The following ITGBL1 variants were observed in gnomAD, a reference collection of about 807,000 sequenced individuals.
ITGBL1 encodes the protein integrin beta-like protein 1.
In ITGBL1, 51 loss-of-function variants were observed where a neutral mutation model predicts 68.5. The observed-to-expected ratio is 0.74, with a 90% CI of 0.59 to 0.94. The LOEUF is 0.94. ITGBL1 is among the 40% of genes least tolerant of loss of function. ITGBL1 has a pLI of 0.00. For missense variants in ITGBL1, 649 were observed against 647.4 expected (o/e 1.00, Z -0.03); for synonymous variants, 209 against 227.3 (o/e 0.92, Z 0.72).
At chr13:101,481,102 G>A (rs1345133046) in intron 2 of ITGBL1, among the ~76,000 whole-genome samples, 9 of 140,586 alleles carry the variant, frequency 6.4e-5, no homozygotes, top group East Asian at 4.5e-4. Flanking sequence ...ATACACACAC[G>A]TGCATGTATA....
At chr13:101,554,701 G>A (rs138310596) in intron 2 of ITGBL1, among the ~76,000 whole-genome samples, 1 of 152,154 alleles carries the variant, frequency 6.6e-6, no homozygotes, top group African/African-American at 2.4e-5. Context: ...ATGCAGTTTG[G>A]ACCTGAGGCT....
intron 2 of ITGBL1, among the ~76,000 whole-genome samples, chr13:101,564,889 A>G (rs925100277): frequency 6.6e-6 from 1 of 152,010 alleles, no homozygotes; most frequent in Non-Finnish European, 1.5e-5. Flanking sequence ...ATTTAAAAAA[A>G]GAAGATAGAT....
chr13:101,544,214 C>T (rs966974347), intron 2 of ITGBL1, among the ~76,000 whole-genome samples: 31 of 152,198 alleles, frequency 2.0e-4, no homozygotes, highest in African/African-American at 6.7e-4. Flanking sequence ...ATGATGGTGA[C>T]GTACAGATGG....
intron 6 of ITGBL1, among the ~76,000 whole-genome samples, chr13:101,592,388 T>G (rs1325788740): frequency 6.6e-6 from 1 of 152,040 alleles, no homozygotes; most frequent in East Asian, 1.9e-4. Flanking sequence ...AAAACAGAAA[T>G]TAAGAAAACA....
intron 7 of ITGBL1, among the ~76,000 whole-genome samples, chr13:101,663,316 T>A (rs1349885563): frequency 3.9e-5 from 6 of 152,170 alleles, no homozygotes; most frequent in Non-Finnish European, 7.4e-5. Flanking sequence ...TTACAACTGG[T>A]GTAGCTTTAT....
chr13:101,608,416 A>T (rs1248853887), intron 7 of ITGBL1, among the ~76,000 whole-genome samples: 1 of 148,824 alleles, frequency 6.7e-6, no homozygotes, highest in Non-Finnish European at 1.5e-5. Context: ...ACTCTATGTA[A>T]TTTTGGACAG....
intron 7 of ITGBL1, among the ~76,000 whole-genome samples, chr13:101,599,238 T>G (rs2030196619): frequency 6.6e-6 from 1 of 151,964 alleles, no homozygotes; most frequent in Non-Finnish European, 1.5e-5. Context: ...TGTCTTCTTT[T>G]GAGAAGTGTC....
chr13:101,682,498 A>T (rs556461496), intron 7 of ITGBL1, among the ~76,000 whole-genome samples: 2 of 152,120 alleles, frequency 1.3e-5, no homozygotes. Context: ...AAGTATTTCA[A>T]TGAACACGGT....
At chr13:101,456,922 A>T (rs1306941545) in intron 2 of ITGBL1, among the ~76,000 whole-genome samples, 2 of 152,164 alleles carry the variant, frequency 1.3e-5, no homozygotes, top group Non-Finnish European at 2.9e-5. Context: ...TCTCAAAAAA[A>T]AAGTGTGGAC....
chr13:101,576,758 A>C (rs1020695724), intron 4 of ITGBL1, among the ~76,000 whole-genome samples: 3 of 152,140 alleles, frequency 2.0e-5, no homozygotes, highest in East Asian at 1.9e-4. Context: ...TCCTGGCTGT[A>C]CAAACTACCT....
chr13:101,496,655 A>G (rs750303678), intron 2 of ITGBL1, among the ~76,000 whole-genome samples: 2 of 152,032 alleles, frequency 1.3e-5, no homozygotes, highest in African/African-American at 2.4e-5. Context: ...TACCCTTACC[A>G]TCCTCAACTT....
chr13:101,593,010 CTATA>C (rs2050681524), intron 6 of ITGBL1, among the ~76,000 whole-genome samples: 3 of 151,904 alleles, frequency 2.0e-5, no homozygotes, highest in African/African-American at 7.2e-5. Flanking sequence ...TAGTTGCAAA[CTATA>C]TATCTGACAA....
intron 7 of ITGBL1, among the ~76,000 whole-genome samples, chr13:101,635,307 C>T (rs562309586): frequency 6.6e-5 from 10 of 151,536 alleles, no homozygotes; most frequent in Non-Finnish European, 1.0e-4. Context: ...AATGTCATAC[C>T]GAAGGAAATA....
At chr13:101,456,381 G>A (rs548450389) in intron 2 of ITGBL1, among the ~76,000 whole-genome samples, 4 of 152,268 alleles carry the variant, frequency 2.6e-5, no homozygotes, top group East Asian at 1.9e-4. Flanking sequence ...CGAGCCCGTC[G>A]ATGTATTCCA....
chr13:101,514,706 C>T (rs2049168319), intron 2 of ITGBL1, among the ~76,000 whole-genome samples: 1 of 151,980 alleles, frequency 6.6e-6, no homozygotes, highest in African/African-American at 2.4e-5. Flanking sequence ...TTTGTTATCC[C>T]TCATATATGA....
At chr13:101,606,174 T>TTATATATATA (rs4000927) in intron 7 of ITGBL1, among the ~76,000 whole-genome samples, 1 of 138,044 alleles carries the variant, frequency 7.2e-6, no homozygotes, top group South Asian at 2.3e-4. Flanking sequence ...ATTAGGATTT[T>TTATATATATA]TATATATATA....
chr13:101,638,178 G>T (rs999370022), intron 7 of ITGBL1, among the ~76,000 whole-genome samples: 2 of 152,150 alleles, frequency 1.3e-5, no homozygotes, highest in Admixed American at 6.5e-5. Flanking sequence ...TCCTCAAAGA[G>T]AGTCAATGAC....
chr13:101,456,293 T>A (rs1469760687), intron 2 of ITGBL1, among the ~76,000 whole-genome samples: 1 of 152,210 alleles, frequency 6.6e-6, no homozygotes, highest in African/African-American at 2.4e-5. Context: ...TTGAGCAGAA[T>A]CTGTCCCCGC....
chr13:101,552,504 A>G (rs1439080099), intron 2 of ITGBL1, among the ~76,000 whole-genome samples: 1 of 152,132 alleles, frequency 6.6e-6, no homozygotes, highest in Non-Finnish European at 1.5e-5. Flanking sequence ...GTGATAGCTG[A>G]TCTTGTTTTG....
Sources: gnomAD v4.1 joint callset for allele counts (sites outside exome capture counted in the v4.1 genomes callset) on GRCh38, gnomAD v4.1.1 for gene constraint, MANE v1.5 for transcripts, NCBI Gene and HGNC (gene_info 2026-07-23, HGNC 2026-07-21) for gene names.